The following CLSTN2 variants were observed in gnomAD, a reference collection of about 807,000 sequenced individuals.
CLSTN2 encodes calsyntenin 2, also known as calsyntenin-2.
CLSTN2 carries 48 observed loss-of-function variants against 101.2 expected under a neutral mutation model. The observed-to-expected ratio is 0.47, with a 90% CI of 0.38 to 0.60. The LOEUF (loss-of-function observed/expected upper bound fraction) is 0.60, where lower values mean the gene tolerates loss of function less well. CLSTN2 is among the 20% of genes least tolerant of loss of function. CLSTN2 has a pLI of 0.00. For missense variants in CLSTN2, 1,160 were observed against 1,238.2 expected (o/e 0.94, Z 0.95); for synonymous variants, 481 against 463.6 (o/e 1.04, Z -0.48).
At chr3:140,084,466 A>G (rs1303655032) in intron 1 of CLSTN2, among the ~76,000 whole-genome samples, 1 of 152,218 alleles carries the variant, frequency 6.6e-6, no homozygotes, top group Non-Finnish European at 1.5e-5. Flanking sequence ...ATAAGTGTGT[A>G]TGTAGATACG....
Position 140,563,050 on chromosome 3 carries a change from G to T in CLSTN2, c.2359-30G>T, listed in dbSNP as rs375638479. The T allele has an allele frequency of 3.7e-4, 592 of 1,613,274 alleles. 1 individual carries two copies. The highest frequency in any genetic ancestry group is 4.6e-4 in the Non-Finnish European group (542 of 1,179,574). ...TAACTGGCCCACCTGCCACTCCTGG[G>T]TCAATAGCACCTCTCCCCACTCTTC... On this transcript the variant is annotated intron_variant, in intron 14 of 16. Transcript: ENST00000458420.
chr3:140,125,618 A>T (rs935980168), intron 1 of CLSTN2, among the ~76,000 whole-genome samples: 1 of 152,044 alleles, frequency 6.6e-6, no homozygotes. Context: ...AACTAATCAC[A>T]TGGGGAGTGA....
At chr3:140,010,456 G>A (rs564474556) in intron 1 of CLSTN2, among the ~76,000 whole-genome samples, 7 of 152,074 alleles carry the variant, frequency 4.6e-5, no homozygotes, top group Admixed American at 2.6e-4. Flanking sequence ...TCTGGCAGGC[G>A]CTCCTCTCTG....
At chr3:140,377,194 C>T (rs1236956641) in intron 2 of CLSTN2, among the ~76,000 whole-genome samples, 1 of 152,184 alleles carries the variant, frequency 6.6e-6, no homozygotes, top group African/African-American at 2.4e-5. Flanking sequence ...GCACATTACT[C>T]ATGTGTTTGT....
intron 1 of CLSTN2, among the ~76,000 whole-genome samples, chr3:140,072,540 A>G (rs1164296119): frequency 6.6e-6 from 1 of 152,232 alleles, no homozygotes; most frequent in Non-Finnish European, 1.5e-5. Context: ...TTGTGTAGAC[A>G]CAGATTCAAT....
intron 2 of CLSTN2, among the ~76,000 whole-genome samples, chr3:140,316,596 G>A (rs2087233925): frequency 6.6e-6 from 1 of 152,034 alleles, no homozygotes; most frequent in Non-Finnish European, 1.5e-5. Context: ...AGTTCATTCT[G>A]CTGGTATGTC....
intron 1 of CLSTN2, among the ~76,000 whole-genome samples, chr3:140,111,322 C>T (rs1421661516): frequency 6.6e-6 from 1 of 152,292 alleles, no homozygotes; most frequent in Admixed American, 6.5e-5. Flanking sequence ...ATCTCTGAGT[C>T]CATGCTGAAG....
chr3:140,224,931 T>C (rs1161471833), intron 2 of CLSTN2, among the ~76,000 whole-genome samples: 1 of 152,220 alleles, frequency 6.6e-6, no homozygotes, highest in East Asian at 1.9e-4. Context: ...CCAGGTGGTC[T>C]GTGCCTAAGC....
intron 1 of CLSTN2, among the ~76,000 whole-genome samples, chr3:140,155,310 G>A (rs1010074938): frequency 6.6e-6 from 1 of 152,154 alleles, no homozygotes; most frequent in African/African-American, 2.4e-5. Context: ...AAAACTTGCT[G>A]ATAAATTATG....
chr3:140,167,614 G>A (rs1441031299), intron 1 of CLSTN2, among the ~76,000 whole-genome samples: 1 of 152,088 alleles, frequency 6.6e-6, no homozygotes, highest in Non-Finnish European at 1.5e-5. Flanking sequence ...TTTGACAAAC[G>A]CACACGTGCA....
intron 1 of CLSTN2, among the ~76,000 whole-genome samples, chr3:140,100,553 T>A (rs2008948411): frequency 6.6e-6 from 1 of 152,218 alleles, no homozygotes; most frequent in African/African-American, 2.4e-5. Flanking sequence ...AAAACATGAC[T>A]TGGTGATAGA....
chr3:140,510,448 C>T (rs750742686), intron 8 of CLSTN2, among the ~76,000 whole-genome samples: 3 of 152,214 alleles, frequency 2.0e-5, no homozygotes, highest in South Asian at 4.1e-4. Flanking sequence ...TTACTCTCCC[C>T]GGGGATGAGA....
In CLSTN2 at chr3:140,562,938, C is replaced by T. The variant is rs746860064; in HGVS notation, c.2340C>T (p.Ser780=). 1.9e-6 allele frequency: 3 copies of T among 1,614,052 alleles called. No homozygotes were observed. Among genetic ancestry groups the T allele is most frequent in the African/African-American group, 2.7e-5 (2 of 74,940 alleles). ...CAGAACTCAATGGGCGCTACACTAG[C>T]AATGAGTTCAACTTGGAGGTGAGTG... is the stretch of plus-strand genomic sequence containing the variant. ...KCSELNGRYT[S]NEFNLEVSIL... is the part of the protein sequence containing the mutation. Residue 780 remains serine, a synonymous_variant, in exon 14 of 17, where the codon AGC becomes AGT. Coordinates refer to ENST00000458420, the MANE Select transcript of CLSTN2 (RefSeq NM_022131.3).
chr3:139,970,870 C>G (rs909442393), intron 1 of CLSTN2, among the ~76,000 whole-genome samples: 1 of 152,164 alleles, frequency 6.6e-6, no homozygotes, highest in Non-Finnish European at 1.5e-5. Flanking sequence ...TCAGCTAAAG[C>G]TAAGGGAATG....
intron 2 of CLSTN2, among the ~76,000 whole-genome samples, chr3:140,293,832 G>A (rs552733035): frequency 2.0e-5 from 3 of 152,138 alleles, no homozygotes; most frequent in Non-Finnish European, 4.4e-5. Context: ...TTCTGGCTGA[G>A]AGCCAAATTC....
chr3:140,369,317 A>G (rs958223428), intron 2 of CLSTN2, among the ~76,000 whole-genome samples: 1 of 152,204 alleles, frequency 6.6e-6, no homozygotes, highest in African/African-American at 2.4e-5. Flanking sequence ...TAAGTCAACA[A>G]TAAGAAAATA....
intron 1 of CLSTN2, among the ~76,000 whole-genome samples, chr3:140,059,960 G>C (rs930428363): frequency 6.6e-6 from 1 of 152,134 alleles, no homozygotes; most frequent in Non-Finnish European, 1.5e-5. Context: ...GGAGGAACTG[G>C]CATAATACCC....
chr3:140,025,051 C>T (rs1256537785), intron 1 of CLSTN2, among the ~76,000 whole-genome samples: 1 of 152,138 alleles, frequency 6.6e-6, no homozygotes, highest in Non-Finnish European at 1.5e-5. Context: ...AATTAAGCCC[C>T]ATGGAGGGTT....
At position 140,049,702 on chromosome 3, in the gene CLSTN2, G is replaced by A. The variant is rs555103687; in HGVS notation, c.109+114219G>A. Among the ~76,000 whole-genome samples the A allele has an allele frequency of 9.8e-5, 15 of 152,296 alleles. No individual in the cohort carries two copies. The South Asian group carries it at 3.1e-3, about 32-fold the overall frequency. On this transcript the variant is annotated intron_variant, in intron 1 of 16. Transcript: ENST00000458420. Reference sequence around the variant, plus strand: ...CATCAGGATCCCAGTGGCTGAACATGAACTTAACAGGGTCATGGGAAGGAG... The same window carrying A: ...CATCAGGATCCCAGTGGCTGAACATAAACTTAACAGGGTCATGGGAAGGAG...
Sources: gnomAD v4.1 joint callset for allele counts (sites outside exome capture counted in the v4.1 genomes callset) on GRCh38, gnomAD v4.1.1 for gene constraint, MANE v1.5 for transcripts, NCBI Gene and HGNC (gene_info 2026-07-23, HGNC 2026-07-21) for gene names.